BCL7C: variants seen among roughly 807,000 people sequenced by gnomAD.
BCL7C encodes B-cell CLL/lymphoma 7 protein family member C.
Under a neutral mutation model 26.2 loss-of-function variants are expected in BCL7C, and 8 were observed. The observed-to-expected ratio is 0.30, with a 90% CI of 0.18 to 0.55. BCL7C has a LOEUF of 0.55. Ranked by LOEUF, BCL7C falls within the 20% of genes least tolerant of loss-of-function variation. The pLI is 0.93. For synonymous variants in BCL7C, 90 were observed against 116.5 expected, an observed-to-expected ratio of 0.77 and a Z score of 1.47; for missense variants, 262 against 298.5, an observed-to-expected ratio of 0.88 and a Z score of 0.90.
intron 5 of BCL7C, among the ~76,000 whole-genome samples, chr16:30,857,972 CAAA>C (rs58563705): frequency 3.0e-4 from 35 of 115,960 alleles, no homozygotes; most frequent in Admixed American, 3.5e-4. Context: ...ACTCCAACTC[CAAA>C]AAAAAAAAAA....
In BCL7C at chr16:30,840,216, T is replaced by G. The variant is rs899018968; in HGVS notation, c.529-5068A>C. On this transcript the variant is annotated intron_variant, in intron 5 of 5. Transcript: ENST00000380317. Reference sequence around the variant, plus strand: ...TCTACACCGTCAAATTCCAAGTTGTTTTTTTTTTTTTTTTTTTTTGAGACA... The same window carrying G: ...TCTACACCGTCAAATTCCAAGTTGTGTTTTTTTTTTTTTTTTTTTGAGACA... 4.3e-5 allele frequency among the ~76,000 whole-genome samples: 6 copies of G among 139,484 alleles called. No individual in the cohort carries two copies. In the East Asian group the frequency reaches 8.6e-4, roughly 20 times the overall value. The allele number at this position is 139,484 out of a possible 152,430, so 91.5% of individuals were successfully genotyped here. A position where few individuals can be genotyped will look rare whatever the true frequency, so the allele number is the denominator to read the frequency against.
At chr16:30,849,846 G>A (rs2054660650) in intron 5 of BCL7C, among the ~76,000 whole-genome samples, 2 of 151,024 alleles carry the variant, frequency 1.3e-5, no homozygotes, top group African/African-American at 4.9e-5. Flanking sequence ...CCTCCACCAT[G>A]CCTAGCTAAC....
At chr16:30,852,682 G>A in intron 5 of BCL7C, among the ~76,000 whole-genome samples, 1 of 151,792 alleles carries the variant, frequency 6.6e-6, no homozygotes, top group Non-Finnish European at 1.5e-5. Flanking sequence ...AGTAGAGACG[G>A]GGTTTCACCA....
At chr16:30,858,168 T>C (rs2054740406) in intron 5 of BCL7C, among the ~76,000 whole-genome samples, 1 of 152,170 alleles carries the variant, frequency 6.6e-6, no homozygotes. Flanking sequence ...CTGCTTCCTT[T>C]ATACACTAGG....
chr16:30,862,052 G>T (rs1331040380), intron 5 of BCL7C, among the ~76,000 whole-genome samples: 1 of 151,666 alleles, frequency 6.6e-6, no homozygotes, highest in African/African-American at 2.4e-5. Flanking sequence ...GGGTTTAACT[G>T]TGGTCTCAAT....
intron 5 of BCL7C, among the ~76,000 whole-genome samples, chr16:30,864,847 C>A (rs1440217797): frequency 7.4e-6 from 1 of 135,786 alleles, no homozygotes; most frequent in South Asian, 2.9e-4. Flanking sequence ...CCCACCCCCA[C>A]CCCCCCACCC....
chr16:30,892,669 T>TG lies in BCL7C; in HGVS notation c.358dup (p.Gln120ProfsTer17), dbSNP rs758526156. 6.2e-7 allele frequency: 1 copy of TG among 1,613,914 alleles called. No individual in the cohort carries two copies. The highest frequency in any genetic ancestry group is 8.5e-7 in the Non-Finnish European group (1 of 1,179,914). ...GGCAGGTGACACAGGGCGGCTGGGC[T>TG]GGGGGGTGCCCCCAGGACTGGGCTC... On this transcript the variant is annotated frameshift_variant, in exon 4 of 6. Transcript: ENST00000215115. LOFTEE classifies it high-confidence loss of function.
In BCL7C at chr16:30,835,000, C is replaced by T; in HGVS notation, c.677G>A (p.Gly226Asp). 6.5e-7 allele frequency: 1 copy of T among 1,548,410 alleles called. No homozygotes were observed. The highest frequency in any genetic ancestry group is 8.7e-7 in the Non-Finnish European group (1 of 1,146,458). Reference sequence around the variant, plus strand: ...TCTGGGTGCCCTCGGGGCCTTGCTGCCTCCCCCGGGAGCTCTGGTGTCCGG... The same window carrying T: ...TCTGGGTGCCCTCGGGGCCTTGCTGTCTCCCCCGGGAGCTCTGGTGTCCGG... The change falls in exon 6 of 6, where the codon GGC becomes GAC. Residue 226 changes from glycine to aspartate, a missense_variant. Coordinates refer to the BCL7C transcript ENST00000380317. This position sits in a 1 kb window ranked among gnomAD's most constrained non-coding sequence, Gnocchi z 4.3.
intron 5 of BCL7C, among the ~76,000 whole-genome samples, chr16:30,862,132 G>A (rs988313548): frequency 5.9e-5 from 9 of 151,540 alleles, no homozygotes; most frequent in Non-Finnish European, 1.2e-4. Flanking sequence ...CACCGCGCCC[G>A]GCCTGGACAA....
At chr16:30,876,706 G>GGGAGGGT (rs1314378706) in intron 5 of BCL7C, among the ~76,000 whole-genome samples, 1 of 152,202 alleles carries the variant, frequency 6.6e-6, no homozygotes, top group Non-Finnish European at 1.5e-5. Context: ...GAGAGAGAAG[G>GGGAGGGT]GGAGGGTGGA....
At chr16:30,839,106 G>A (rs1036364104) in intron 5 of BCL7C, among the ~76,000 whole-genome samples, 3 of 152,176 alleles carry the variant, frequency 2.0e-5, no homozygotes, top group African/African-American at 4.8e-5. Context: ...TAAACAAGAG[G>A]TTTGTATAGT....
downstream of BCL7C, among the ~76,000 whole-genome samples, chr16:30,885,682 G>T (rs2055122107): frequency 6.6e-6 from 1 of 152,072 alleles, no homozygotes; most frequent in Admixed American, 6.6e-5. Context: ...GGGATTATAG[G>T]CATGAGCCAC....
intron 5 of BCL7C, among the ~76,000 whole-genome samples, chr16:30,877,598 C>T (rs2054969439): frequency 6.6e-6 from 1 of 151,932 alleles, no homozygotes; most frequent in Non-Finnish European, 1.5e-5. Context: ...CGCCACCGCG[C>T]CCAGCTAATT....
downstream of BCL7C, among the ~76,000 whole-genome samples, chr16:30,884,029 G>A (rs1326235983): frequency 2.6e-5 from 4 of 151,294 alleles, no homozygotes; most frequent in Admixed American, 2.6e-4. Context: ...GGAGACTGAG[G>A]CAGGAGAATG....
At chr16:30,850,223 A>AAAAAG (rs1198267725) in intron 5 of BCL7C, among the ~76,000 whole-genome samples, 2 of 151,596 alleles carry the variant, frequency 1.3e-5, no homozygotes, top group African/African-American at 2.4e-5. Flanking sequence ...AAAAAAAAAA[A>AAAAAG]AAAAGAAAAG....
At chr16:30,859,393 G>A (rs1349682298) in intron 5 of BCL7C, among the ~76,000 whole-genome samples, 2 of 152,168 alleles carry the variant, frequency 1.3e-5, no homozygotes, top group Non-Finnish European at 2.9e-5. Context: ...TGAGCTAGGA[G>A]GATCATTTGA....
intron 5 of BCL7C, among the ~76,000 whole-genome samples, chr16:30,880,259 G>A (rs938175374): frequency 1.3e-5 from 2 of 152,016 alleles, no homozygotes; most frequent in African/African-American, 4.8e-5. Context: ...AGAGGTAGGT[G>A]GATCGCTTGA....
chr16:30,881,392 TCACACACA>T (rs72155482), intron 5 of BCL7C, among the ~76,000 whole-genome samples: 35 of 144,222 alleles, frequency 2.4e-4, no homozygotes, highest in East Asian at 1.2e-3. Flanking sequence ...TGAGACTCCG[TCACACACA>T]CACACACACA....
rs191648839 is a variant in BCL7C, at chr16:30,867,235, C to G, written c.528+21625G>C. ...AAGGTGGGTATCATTGAGATTCTGA[C>G]CATGTTTATTTCTTGGTTTGGGTGG... On this transcript the variant is annotated intron_variant, in intron 5 of 5. Transcript: ENST00000380317. Among the ~76,000 whole-genome samples, 499 of 152,178 alleles carry G rather than the reference C, an allele frequency of 3.3e-3. 2 individuals carry two copies. The highest frequency in any genetic ancestry group is 5.1e-3 in the Non-Finnish European group (349 of 68,012).
Sources: allele counts gnomAD v4.1 joint callset (sites outside exome capture counted in the v4.1 genomes callset), GRCh38; gene constraint gnomAD v4.1.1; non-coding constraint Gnocchi (gnomAD v3.1); transcripts MANE v1.5; gene names NCBI Gene and HGNC (gene_info 2026-07-23, HGNC 2026-07-21).